SLIT3: variants seen among roughly 807,000 people sequenced by gnomAD.
SLIT3 encodes slit guidance ligand 3.
A neutral mutation model predicts 184.0 loss-of-function variants in SLIT3; 68 were observed. The observed-to-expected ratio is 0.37, with a 90% CI of 0.30 to 0.45. The LOEUF is 0.45. Ranked by LOEUF, SLIT3 falls within the 20% of genes least tolerant of loss-of-function variation. The probability of loss-of-function intolerance (pLI) is 1.00; values close to 1 mark genes in which losing one functional copy is unlikely to be tolerated. For missense variants in SLIT3, 1,707 were observed against 2,026.0 expected, an observed-to-expected ratio of 0.84 and a Z score of 3.02; for synonymous variants, 831 against 828.6, an observed-to-expected ratio of 1.00 and a Z score of -0.05.
chr5:168,757,060 T>A (rs1459457352), intron 16 of SLIT3, among the ~76,000 whole-genome samples: 1 of 152,190 alleles, frequency 6.6e-6, no homozygotes, highest in East Asian at 1.9e-4. Context: ...CAGGCAGCAG[T>A]AGCTGAAGGA....
chr5:168,889,313 T>G (rs1421279251), intron 4 of SLIT3, among the ~76,000 whole-genome samples: 5 of 152,208 alleles, frequency 3.3e-5, no homozygotes, highest in Non-Finnish European at 7.3e-5. Flanking sequence ...CCAGCTAAGC[T>G]CTGGTACCTC....
chr5:168,746,551 TG>T (rs1404329123), intron 20 of SLIT3, among the ~76,000 whole-genome samples: 2 of 95,056 alleles, frequency 2.1e-5, no homozygotes, highest in East Asian at 3.6e-4. Flanking sequence ...TGGTGTGCGG[TG>T]GTGTGGGTGT....
intron 4 of SLIT3, among the ~76,000 whole-genome samples, chr5:169,148,779 T>C (rs1663888562): frequency 6.6e-6 from 1 of 152,132 alleles, no homozygotes; most frequent in African/African-American, 2.4e-5. Context: ...ACGGAGTGGA[T>C]AAAATTTAAA....
intron 4 of SLIT3, among the ~76,000 whole-genome samples, chr5:168,944,429 C>T (rs962303378): frequency 6.6e-6 from 1 of 152,168 alleles, no homozygotes; most frequent in South Asian, 2.1e-4. Context: ...GGTATCTCTG[C>T]ACCATGGGGA....
intron 4 of SLIT3, among the ~76,000 whole-genome samples, chr5:168,963,801 C>G (rs909107043): frequency 7.9e-5 from 12 of 152,174 alleles, no homozygotes; most frequent in Non-Finnish European, 1.5e-4. Flanking sequence ...AAACCTCAGG[C>G]TCTCTTTTGT....
chr5:169,097,629 T>C (rs1759837329), intron 4 of SLIT3, among the ~76,000 whole-genome samples: 1 of 152,206 alleles, frequency 6.6e-6, no homozygotes, highest in South Asian at 2.1e-4. Context: ...GAAGAGTAGT[T>C]ACACGATGAT....
At chr5:168,805,156 T>C (rs994749877) in intron 9 of SLIT3, among the ~76,000 whole-genome samples, 2 of 152,240 alleles carry the variant, frequency 1.3e-5, no homozygotes, top group South Asian at 2.1e-4. Flanking sequence ...CAGAAATGTG[T>C]CTGTTTTGTT....
At chr5:169,227,717 C>T (rs955742979) in intron 3 of SLIT3, among the ~76,000 whole-genome samples, 4 of 152,236 alleles carry the variant, frequency 2.6e-5, no homozygotes, top group African/African-American at 4.8e-5. Flanking sequence ...CGTGCCACCG[C>T]GCCCAGACCT....
rs980214120 is a variant in SLIT3 at position 169,008,355 on chromosome 5, AGGGCCTGACTTCCCTAGCCATGAC to A, written c.414-125043_414-125020del. On this transcript the variant is annotated intron_variant, in intron 4 of 35. Transcript: ENST00000519560. ...AAGGCTGGGAGGAGGCTCCAAGACA[AGGGCCTGACTTCCCTAGCCATGAC>A]GGGCCTGACTTCCCTAGCCATGAAG... Among the ~76,000 whole-genome samples, 21 of 152,270 alleles carry A rather than the reference AGGGCCTGACTTCCCTAGCCATGAC, an allele frequency of 1.4e-4. 1 individual carries two copies. The highest frequency in any genetic ancestry group is 3.9e-4 in the East Asian group (2 of 5,174).
At chr5:168,670,342 T>TACCA (rs1761198262) in intron 34 of SLIT3, among the ~76,000 whole-genome samples, 1 of 152,218 alleles carries the variant, frequency 6.6e-6, no homozygotes, top group South Asian at 2.1e-4. Flanking sequence ...TAAGAATTAC[T>TACCA]ACCACCCCAC....
At chr5:169,279,420 G>A (rs1422939466) in intron 1 of SLIT3, among the ~76,000 whole-genome samples, 1 of 152,114 alleles carries the variant, frequency 6.6e-6, no homozygotes, top group Non-Finnish European at 1.5e-5. Context: ...TTACGGAGGA[G>A]GAAACCTGAG....
chr5:168,669,824 C>CAGTA lies in SLIT3; in HGVS notation c.4291_4294dup (p.Cys1432LeufsTer9). ...GCCGCTAAAGCCGGGCTGGCACAGGCAGTAGGGCTCCCCTTGGTCTGAGAT... is the reference window on the plus strand; with the variant it reads ...GCCGCTAAAGCCGGGCTGGCACAGGCAGTAAGTAGGGCTCCCCTTGGTCTGAGAT... On this transcript the variant is annotated frameshift_variant, in exon 35 of 36. Transcript: ENST00000519560. LOFTEE classifies it high-confidence loss of function. 1.2e-6 allele frequency: 2 copies of CAGTA among 1,614,086 alleles called. No individual in the cohort carries two copies. The highest frequency in any genetic ancestry group is 1.7e-6 in the Non-Finnish European group (2 of 1,180,044).
Position 169,163,033 on chromosome 5 carries a change from A to T in SLIT3, c.413+30446T>A, listed in dbSNP as rs115565446. Reference sequence around the variant, plus strand: ...GAAGAAAATGGCTCTGATGATCATTAAAAAAGGGGCTGGGCACGGTGGCTC... The same window carrying T: ...GAAGAAAATGGCTCTGATGATCATTTAAAAAGGGGCTGGGCACGGTGGCTC... On this transcript the variant is annotated intron_variant, in intron 4 of 35. Transcript: ENST00000519560. Among the ~76,000 whole-genome samples the T allele has an allele frequency of 9.5e-3, 1,439 of 152,242 alleles. 26 individuals carry two copies. Among genetic ancestry groups the T allele is most frequent in the African/African-American group, 0.032 (1,341 of 41,556 alleles).
At chr5:168,910,943 C>CAT in intron 4 of SLIT3, among the ~76,000 whole-genome samples, 1 of 152,208 alleles carries the variant, frequency 6.6e-6, no homozygotes, top group African/African-American at 2.4e-5. Flanking sequence ...TCACAGCCCT[C>CAT]ATGCCTTTTT....
At chr5:168,875,489 C>A (rs1414440180) in intron 5 of SLIT3, among the ~76,000 whole-genome samples, 1 of 151,908 alleles carries the variant, frequency 6.6e-6, no homozygotes, top group Non-Finnish European at 1.5e-5. Flanking sequence ...AAAAAATTAG[C>A]CAGGTGTGGT....
rs914305140 is a variant in SLIT3 at position 168,990,329 on chromosome 5, G to A, written c.414-106993C>T. 2.0e-5 allele frequency among the ~76,000 whole-genome samples: 3 copies of A among 152,328 alleles called. 1 individual carries two copies. The stretch of plus-strand genomic sequence containing the variant: ...GACAGGGTAAGAAACTCCAGCCCCA[G>A]CTCTAAAACCTTTACAGAAAGCCTT... On this transcript the variant is annotated intron_variant, in intron 4 of 35. Transcript: ENST00000519560.
intron 4 of SLIT3, among the ~76,000 whole-genome samples, chr5:169,148,062 G>C (rs1172958507): frequency 6.6e-6 from 1 of 152,106 alleles, no homozygotes; most frequent in Non-Finnish European, 1.5e-5. Flanking sequence ...GCCAGCTTTG[G>C]AAGTCAGCCA....
At chr5:169,095,598 C>T (rs1759748033) in intron 4 of SLIT3, among the ~76,000 whole-genome samples, 1 of 152,214 alleles carries the variant, frequency 6.6e-6, no homozygotes, top group Admixed American at 6.5e-5. Flanking sequence ...TGCCATCTCT[C>T]TCTGGAGTGG....
chr5:169,196,649 G>A (rs1561731536), intron 3 of SLIT3, among the ~76,000 whole-genome samples: 1 of 152,190 alleles, frequency 6.6e-6, no homozygotes, highest in Non-Finnish European at 1.5e-5. Context: ...CACAATGTCA[G>A]GAAGTGGTAG....
Sources: allele counts gnomAD v4.1 joint callset (sites outside exome capture counted in the v4.1 genomes callset), GRCh38; gene constraint gnomAD v4.1.1; transcripts MANE v1.5; gene names NCBI Gene and HGNC (gene_info 2026-07-23, HGNC 2026-07-21).